ZIM2: variants seen among roughly 807,000 people sequenced by gnomAD.
ZIM2 encodes the protein zinc finger imprinted 2, also known as zinc finger protein 656.
ZIM2 carries 14 observed loss-of-function variants against 38.6 expected under a neutral mutation model. The observed-to-expected ratio is 0.36, with a 90% CI of 0.24 to 0.57. The LOEUF (loss-of-function observed/expected upper bound fraction) is 0.57, where lower values mean the gene tolerates loss of function less well. Ranked by LOEUF, ZIM2 falls within the 20% of genes least tolerant of loss-of-function variation. The probability of loss-of-function intolerance (pLI) is 0.81; values close to 1 mark genes in which losing one functional copy is unlikely to be tolerated. For synonymous variants in ZIM2, 247 were observed against 245.8 expected, an observed-to-expected ratio of 1.00 and a Z score of -0.04; for missense variants, 680 against 695.1, an observed-to-expected ratio of 0.98 and a Z score of 0.24.
At position 56,774,561 on chromosome 19, in the gene ZIM2, T is replaced by TA. The variant is rs1555787293; in HGVS notation, c.*126dup. ...AAAATTGCAACTTTTTTTTTTTTTT[T>TA]ACCACACTTTGATGAATGTTCAAGT... On this transcript the variant is annotated 3_prime_UTR_variant, in exon 13 of 13. Coordinates refer to ENST00000629319, the MANE Select transcript of ZIM2 (RefSeq NM_001387356.1). The TA allele has an allele frequency of 1.5e-4, 206 of 1,390,572 alleles. 1 individual carries two copies. Among genetic ancestry groups the TA allele is most frequent in the East Asian group, 6.0e-4 (25 of 41,806 alleles). 86.1% of individuals were successfully genotyped at this position (1,390,572 alleles called of 1,614,324 possible). A position where few individuals can be genotyped will look rare whatever the true frequency, so the allele number is the denominator to read the frequency against.
chr19:56,838,805 C>T (rs2062544065), intron 1 of ZIM2, among the ~76,000 whole-genome samples: 4 of 152,232 alleles, frequency 2.6e-5, no homozygotes, highest in Admixed American at 2.6e-4. Flanking sequence ...CACTCCACAG[C>T]TTTCCATCAC....
At position 56,836,249 on chromosome 19, in the gene ZIM2, ATGAATGGCCACGGGTATAGC is replaced by A. The variant is rs1162373755; in HGVS notation, c.-313-165_-313-146del. On this transcript the variant is annotated intron_variant, in intron 1 of 12. Transcript: ENST00000629319. ...GACCATGAAAAGCATCCCATCCAGG[ATGAATGGCCACGGGTATAGC>A]TCCCTTAGACCACCTCACACCCTGG... The A allele has an allele frequency of 1.7e-5, 6 of 359,052 alleles. No individual in the cohort carries two copies. The East Asian group carries it at 3.7e-4, about 22-fold the overall frequency. 22.2% of individuals were successfully genotyped at this position (359,052 alleles called of 1,614,324 possible). A position where few individuals can be genotyped will look rare whatever the true frequency, so the allele number is the denominator to read the frequency against.
chr19:56,833,628 GA>G (rs1405134329), intron 2 of ZIM2: 2 of 173,024 alleles, frequency 1.2e-5, no homozygotes, highest in African/African-American at 4.8e-5. Context: ...GGGTGCTTAT[GA>G]AATACGGAGC....
intron 9 of ZIM2, chr19:56,815,662 G>A (rs1339198889): frequency 6.2e-7 from 1 of 1,614,100 alleles, no homozygotes; most frequent in Non-Finnish European, 8.5e-7. Context: ...ACGGACATTT[G>A]AGCTGGGAAC....
intron 1 of ZIM2, among the ~76,000 whole-genome samples, chr19:56,837,083 C>T (rs939792748): frequency 6.6e-5 from 10 of 151,958 alleles, no homozygotes; most frequent in African/African-American, 2.4e-4. Flanking sequence ...CTTAAGATCT[C>T]CTTGGGTGGA....
intron 9 of ZIM2, 189 bp downstream of exon 9, chr19:56,817,557 G>C: frequency 6.3e-7 from 1 of 1,593,136 alleles, no homozygotes. Flanking sequence ...TTGATTTTTT[G>C]GCTTCAGGCA....
In ZIM2 at chr19:56,815,503, T is replaced by C. The variant is rs1344691684; in HGVS notation, c.490+2243A>G. ...CTGGTGCTCAGTGAGGTCAGAGCTA[T>C]GAGCAAAGCACTCCCCACACTCCTG... On this transcript the variant is annotated intron_variant, in intron 9 of 12. Transcript: ENST00000629319. 3.1e-6 allele frequency: 5 copies of C among 1,614,052 alleles called. No individual in the cohort carries two copies. The Admixed American group carries it at 5.0e-5, about 16-fold the overall frequency.
At chr19:56,830,899 C>T (rs1440866772) in intron 2 of ZIM2, among the ~76,000 whole-genome samples, 2 of 151,506 alleles carry the variant, frequency 1.3e-5, no homozygotes, top group South Asian at 2.1e-4. Context: ...TGCATTCCAG[C>T]CTGGGTGACA....
At position 56,814,929 on chromosome 19, in the gene ZIM2, A is replaced by G. The variant is rs1243124592; in HGVS notation, c.490+2817T>C. On this transcript the variant is annotated intron_variant, in intron 9 of 12. Coordinates refer to ENST00000629319, the MANE Select transcript of ZIM2 (RefSeq NM_001387356.1). The surrounding 1 kb of genome is among the most constrained non-coding windows in gnomAD (Gnocchi z 5.8). ...CGAAAAGGAATGAGCTATGAATAAA[A>G]GATTCCCCACACTTTGGACATTCAT... The G allele has an allele frequency of 1.2e-6, 2 of 1,614,080 alleles. No individual in the cohort carries two copies. Among genetic ancestry groups the G allele is most frequent in the African/African-American group, 2.7e-5 (2 of 74,908 alleles).
chr19:56,838,236 G>T (rs2062422398), intron 1 of ZIM2, among the ~76,000 whole-genome samples: 1 of 152,160 alleles, frequency 6.6e-6, no homozygotes, highest in South Asian at 2.1e-4. Context: ...TACAGCCAAA[G>T]ATTGCACCAC....
chr19:56,815,143 T>A, intron 9 of ZIM2: 1 of 1,613,972 alleles, frequency 6.2e-7, no homozygotes, highest in Non-Finnish European at 8.5e-7. Context: ...ATCAGGGTCA[T>A]CCTTCTGAGG....
intron 7 of ZIM2, among the ~76,000 whole-genome samples, 194 bp downstream of exon 7, chr19:56,821,457 C>T (rs761244304): frequency 6.6e-6 from 1 of 152,160 alleles, no homozygotes; most frequent in Non-Finnish European, 1.5e-5. Flanking sequence ...ACCACATGAA[C>T]GACAAAGAAA....
chr19:56,840,045 T>C (rs996795749), intron 1 of ZIM2, among the ~76,000 whole-genome samples: 3 of 152,080 alleles, frequency 2.0e-5, no homozygotes, highest in Admixed American at 2.0e-4. Flanking sequence ...CCCCAGAGGG[T>C]AGCCGGGCAC....
intron 3 of ZIM2, chr19:56,824,653 C>G (rs1359106689): frequency 4.4e-6 from 7 of 1,588,444 alleles, no homozygotes; most frequent in African/African-American, 1.4e-5. Flanking sequence ...TTGGAGGCAG[C>G]ATTTCTCTAA....
At chr19:56,826,801 A>G (rs762276438) in intron 2 of ZIM2, among the ~76,000 whole-genome samples, 32 of 152,338 alleles carry the variant, frequency 2.1e-4, no homozygotes, top group Non-Finnish European at 2.9e-4. Context: ...CTCAATTACA[A>G]TAAGACAAGA....
In ZIM2 at chr19:56,821,728, G is replaced by C; in HGVS notation, c.217C>G (p.Pro73Ala). ...SRMPPRDLSL[P>A]VVAKTSFEMD... ...TCAAAGCTTGTTTTCGCCACCACAG[G>C]AAGGGAAAGATCCCGCGGAGGCATC... Residue 73 changes from proline (P) to alanine (A), a missense_variant, in exon 7 of 13, where the codon CCT (proline) becomes GCT (alanine). Physicochemically the swap from Pro to Ala is conservative, Grantham distance 27 (BLOSUM62 -1). Coordinates refer to ENST00000629319, the MANE Select transcript of ZIM2 (RefSeq NM_001387356.1). The C allele has an allele frequency of 6.2e-7, 1 of 1,614,064 alleles. No homozygotes were observed. Among genetic ancestry groups the C allele is most frequent in the Non-Finnish European group, 8.5e-7 (1 of 1,180,024 alleles).
chr19:56,840,094 G>A (rs966999366), intron 1 of ZIM2, among the ~76,000 whole-genome samples: 3 of 152,220 alleles, frequency 2.0e-5, no homozygotes, highest in African/African-American at 7.2e-5. Flanking sequence ...GCAGGAAGGG[G>A]CATTTTCGCA....
In ZIM2 at chr19:56,814,290, A is replaced by G; in HGVS notation, c.490+3456T>C. ...CTACGTTTAAGCCCTGAATCCTCAGAACTACTTGTGGAACATGGACATTGG... is the reference window on the plus strand; with the variant it reads ...CTACGTTTAAGCCCTGAATCCTCAGGACTACTTGTGGAACATGGACATTGG... On this transcript the variant is annotated intron_variant, in intron 9 of 12. Transcript: ENST00000629319. The surrounding 1 kb of genome is among the most constrained non-coding windows in gnomAD (Gnocchi z 5.8). 1 of 1,613,718 alleles carries G rather than the reference A, an allele frequency of 6.2e-7. No homozygotes were observed. The highest frequency in any genetic ancestry group is 8.5e-7 in the Non-Finnish European group (1 of 1,179,984).
chr19:56,812,340 A>G (rs1261707715), intron 9 of ZIM2: 13 of 983,100 alleles, frequency 1.3e-5, no homozygotes, highest in Non-Finnish European at 1.6e-5. Context: ...GCTGAAAAAG[A>G]AGGAACAGAT....
Sources: allele counts gnomAD v4.1 joint callset (sites outside exome capture counted in the v4.1 genomes callset), GRCh38; gene constraint gnomAD v4.1.1; non-coding constraint Gnocchi (gnomAD v3.1); transcripts MANE v1.5; gene names NCBI Gene and HGNC (gene_info 2026-07-23, HGNC 2026-07-21).